The following SEMA5B variants were observed in gnomAD, a reference collection of about 807,000 sequenced individuals.
The protein encoded by SEMA5B is semaphorin 5B, also known as semaphorin-5B.
In SEMA5B, 66 loss-of-function variants were observed where a neutral mutation model predicts 135.0. That is an observed-to-expected ratio of 0.49 (90% CI 0.40 to 0.60). The LOEUF is 0.60. Ranked by LOEUF, SEMA5B falls within the 20% of genes least tolerant of loss-of-function variation. The probability of loss-of-function intolerance (pLI) is 0.00; values close to 1 mark genes in which losing one functional copy is unlikely to be tolerated. For missense variants in SEMA5B, 1,501 were observed against 1,566.3 expected (o/e 0.96, Z 0.70); for synonymous variants, 690 against 639.5 (o/e 1.08, Z -1.19).
intron 2 of SEMA5B, among the ~76,000 whole-genome samples, chr3:122,952,326 C>A (rs750028561): frequency 3.9e-5 from 6 of 152,206 alleles, no homozygotes; most frequent in Non-Finnish European, 7.3e-5. Flanking sequence ...CTGACATTGA[C>A]CCCTGGCCCC....
intron 5 of SEMA5B, among the ~76,000 whole-genome samples, chr3:122,931,751 A>G (rs1576344465): frequency 6.6e-6 from 1 of 152,176 alleles, no homozygotes; most frequent in African/African-American, 2.4e-5. Context: ...GATCTCCACA[A>G]TTTTCTTCCA....
At chr3:122,946,083 G>A (rs965174454) in intron 3 of SEMA5B, among the ~76,000 whole-genome samples, 3 of 152,156 alleles carry the variant, frequency 2.0e-5, no homozygotes, top group African/African-American at 7.2e-5. Context: ...GGCTTTGGAC[G>A]GTGACTTTAA....
intron 2 of SEMA5B, among the ~76,000 whole-genome samples, chr3:122,954,849 A>G (rs1273229427): frequency 3.4e-5 from 5 of 145,512 alleles, no homozygotes; most frequent in African/African-American, 7.7e-5. Context: ...GCTGGAGTGC[A>G]GTGGAATGAT....
chr3:122,910,903 G>T lies in SEMA5B; in HGVS notation c.3234C>A (p.Asn1078Lys), dbSNP rs775318948. The T allele has an allele frequency of 2.5e-6, 4 of 1,613,658 alleles. No homozygotes were observed. The highest frequency in any genetic ancestry group is 1.7e-4 in the Middle Eastern group (1 of 5,794). The change falls in exon 22 of 23, where the codon AAC becomes AAA. Residue 1078 changes from asparagine (N) to lysine (K), a missense_variant. Around this residue, in one of 2 missense-constraint regions of SEMA5B, gnomAD observed 927 missense variants for 881.6 expected, o/e 1.05. Coordinates refer to ENST00000357599, the MANE Select transcript of SEMA5B (RefSeq NM_001031702.4). The stretch of plus-strand genomic sequence containing the variant: ...TGCCTCCGCCCTTGTAGTGCAAATG[G>T]TTGGGGGTGGCAGGATGGACCAGTG... Reference protein sequence around the residue: ...ESTLVHPATPNHLHYKGGGTP... With the variant: ...ESTLVHPATPKHLHYKGGGTP...
chr3:122,984,642 A>G (rs1941639476), intron 1 of SEMA5B, among the ~76,000 whole-genome samples: 1 of 152,192 alleles, frequency 6.6e-6, no homozygotes, highest in African/African-American at 2.4e-5. Flanking sequence ...CTATTTGGGT[A>G]ATGGGTACGC....
chr3:123,016,333 C>T (rs555681390), intron 1 of SEMA5B, among the ~76,000 whole-genome samples: 1 of 152,276 alleles, frequency 6.6e-6, no homozygotes, highest in South Asian at 2.1e-4. Context: ...GGGGACCAGT[C>T]CCAGGACCTC....
chr3:123,003,917 A>AGC (rs528373728), intron 1 of SEMA5B, among the ~76,000 whole-genome samples: 35 of 152,356 alleles, frequency 2.3e-4, no homozygotes, highest in African/African-American at 8.4e-4. Context: ...CAATCAGGGC[A>AGC]GCCTTCCTTG....
intron 1 of SEMA5B, among the ~76,000 whole-genome samples, chr3:122,975,715 G>A (rs1941294274): frequency 6.6e-6 from 1 of 152,068 alleles, no homozygotes; most frequent in East Asian, 1.9e-4. Flanking sequence ...GCTCACAATA[G>A]CCTCCTAAGT....
At position 122,961,246 on chromosome 3, in the gene SEMA5B, A is replaced by G. The variant is rs778401154; in HGVS notation, c.18T>C (p.Ser6=). MPCGF[S]PSPVAHHLVP... is the part of the protein sequence containing the mutation. The stretch of plus-strand genomic sequence containing the variant: ...CGAGGTGGTGGGCAACAGGAGACGG[A>G]CTGAAGCCACAGGGCATCCAAGAGA... Residue 6 remains serine, a synonymous_variant, in exon 2 of 23, where the codon AGT becomes AGC. Transcript: ENST00000357599. 1.1e-5 allele frequency: 17 copies of G among 1,613,960 alleles called. No homozygotes were observed. In the South Asian group the frequency reaches 1.9e-4, roughly 18 times the overall value.
intron 9 of SEMA5B, among the ~76,000 whole-genome samples, chr3:122,924,135 A>G (rs1375075769): frequency 2.0e-5 from 3 of 152,140 alleles, no homozygotes; most frequent in Admixed American, 2.0e-4. Flanking sequence ...CCCTTACTAA[A>G]TATGTTAACA....
At chr3:122,926,369 G>A (rs764571668) in intron 9 of SEMA5B, 23 bp downstream of exon 9, 5 of 1,595,832 alleles carry the variant, frequency 3.1e-6, no homozygotes, top group East Asian at 2.2e-5. Flanking sequence ...ACAGGCAAGG[G>A]GCTGGCAGAG....
At chr3:122,939,311 G>C (rs1254193279) in intron 5 of SEMA5B, 114 bp downstream of exon 5, 31 of 809,172 alleles carry the variant, frequency 3.8e-5, no homozygotes, top group Non-Finnish European at 5.6e-5. Context: ...AGAACAAGTG[G>C]CTCCTGTTTT....
At chr3:122,924,427 A>G (rs1938520943) in intron 9 of SEMA5B, among the ~76,000 whole-genome samples, 1 of 152,022 alleles carries the variant, frequency 6.6e-6, no homozygotes, top group South Asian at 2.1e-4. Flanking sequence ...AGTCCCCTGA[A>G]TGCTGCATTG....
chr3:122,938,781 A>G (rs1939419479), intron 5 of SEMA5B, among the ~76,000 whole-genome samples: 1 of 152,246 alleles, frequency 6.6e-6, no homozygotes, highest in African/African-American at 2.4e-5. Context: ...TACAATATTC[A>G]GCCTCTGCAA....
chr3:123,002,982 G>T (rs1942219253), intron 1 of SEMA5B, among the ~76,000 whole-genome samples: 1 of 152,166 alleles, frequency 6.6e-6, no homozygotes, highest in African/African-American at 2.4e-5. Context: ...TCCATAGTGT[G>T]TCATATGTCT....
chr3:122,926,747 C>T, intron 8 of SEMA5B, 70 bp from the exon 9 acceptor site: 1 of 1,554,346 alleles, frequency 6.4e-7, no homozygotes, highest in Non-Finnish European at 8.8e-7. Flanking sequence ...GTCGGGAGGA[C>T]TCAACTACTT....
At chr3:122,952,737 C>T (rs1165004083) in intron 2 of SEMA5B, among the ~76,000 whole-genome samples, 1 of 152,158 alleles carries the variant, frequency 6.6e-6, no homozygotes, top group South Asian at 2.1e-4. Context: ...CTGCTCTGCG[C>T]CAGCAGGGAG....
intron 1 of SEMA5B, among the ~76,000 whole-genome samples, chr3:122,972,559 T>C (rs578215166): frequency 7.9e-5 from 12 of 152,362 alleles, no homozygotes; most frequent in Middle Eastern, 6.8e-3. Context: ...TATTTGACTT[T>C]ACTCAGCCCT....
chr3:122,957,703 C>T (rs1395571240), intron 2 of SEMA5B, among the ~76,000 whole-genome samples: 4 of 152,220 alleles, frequency 2.6e-5, no homozygotes, highest in Non-Finnish European at 5.9e-5. Context: ...GAGGTGCCCA[C>T]ATAAGCATCA....
Sources: allele counts gnomAD v4.1 joint callset (sites outside exome capture counted in the v4.1 genomes callset), GRCh38; gene constraint gnomAD v4.1.1; regional missense constraint gnomAD v4.1.1; transcripts MANE v1.5; gene names NCBI Gene and HGNC (gene_info 2026-07-23, HGNC 2026-07-21).